The following NAA11 variants were observed in gnomAD, a reference collection of about 807,000 sequenced individuals.
NAA11 encodes the protein N-alpha-acetyltransferase 11.
In NAA11, 15 loss-of-function variants were observed where a neutral mutation model predicts 16.1. The ratio of observed to expected loss-of-function variants is 0.93; its 90% CI spans 0.62 to 1.44. The LOEUF (loss-of-function observed/expected upper bound fraction) is 1.44, where lower values mean the gene tolerates loss of function less well. Ranked by LOEUF, NAA11 falls within the 40% of genes most tolerant of loss-of-function variation. The pLI is 0.00. For missense variants in NAA11, 298 were observed against 291.3 expected (o/e 1.02, Z -0.17); for synonymous variants, 122 against 112.4 (o/e 1.09, Z -0.54).
chr4:79,168,787 A>C, the NAA11 span, among the ~76,000 whole-genome samples: 2 of 152,150 alleles, frequency 1.3e-5, no homozygotes. Flanking sequence ...TGTCAGATGA[A>C]TAGATTGCAA....
intron 2 of NAA11, among the ~76,000 whole-genome samples, chr4:79,273,635 G>A (rs1018606566): frequency 6.6e-6 from 1 of 151,900 alleles, no homozygotes; most frequent in South Asian, 2.1e-4. Context: ...AAAGTTTATT[G>A]AACTGTGAAC....
the NAA11 span, among the ~76,000 whole-genome samples, chr4:79,170,176 A>G: frequency 6.6e-6 from 1 of 152,172 alleles, no homozygotes; most frequent in Non-Finnish European, 1.5e-5. Flanking sequence ...GATTTGTGCA[A>G]TCACACAGGG....
the NAA11 span, among the ~76,000 whole-genome samples, chr4:79,184,846 A>G: frequency 6.6e-6 from 1 of 152,320 alleles, no homozygotes; most frequent in East Asian, 1.9e-4. Context: ...ACTGAGATTT[A>G]CCTGACACAA....
chr4:79,196,979 A>AAAAAAAG, the NAA11 span, among the ~76,000 whole-genome samples: 7 of 125,550 alleles, frequency 5.6e-5, no homozygotes, highest in Admixed American at 1.7e-4. Flanking sequence ...AAAAAAAAAA[A>AAAAAAAG]AAAGAAAGAA....
intron 2 of NAA11, among the ~76,000 whole-genome samples, chr4:79,277,946 AAAAGAAG>A (rs1325442771): frequency 2.6e-5 from 4 of 151,992 alleles, no homozygotes; most frequent in African/African-American, 7.3e-5. Context: ...AATTAAAAAA[AAAAGAAG>A]AAGAAAATGA....
chr4:79,266,539 A>C (rs1236835119), intron 2 of NAA11, among the ~76,000 whole-genome samples: 2 of 152,204 alleles, frequency 1.3e-5, no homozygotes, highest in Non-Finnish European at 2.9e-5. Context: ...GCTCTCTTAC[A>C]GTTTGGCGTG....
chr4:79,220,437 C>CTGTGTGTGTG, the NAA11 span, among the ~76,000 whole-genome samples: 1 of 142,948 alleles, frequency 7.0e-6, no homozygotes, highest in Admixed American at 7.1e-5. Flanking sequence ...GTGTGTGTGT[C>CTGTGTGTGTG]TGTGTGTGTG....
intron 2 of NAA11, among the ~76,000 whole-genome samples, chr4:79,274,039 T>G (rs891372483): frequency 7.2e-5 from 11 of 152,194 alleles, no homozygotes; most frequent in African/African-American, 2.6e-4. Context: ...AAGGGAATTC[T>G]GGCAGCCTCT....
chr4:79,233,928 G>T (rs1721517434), intron 2 of NAA11, among the ~76,000 whole-genome samples: 1 of 152,012 alleles, frequency 6.6e-6, no homozygotes, highest in Non-Finnish European at 1.5e-5. Flanking sequence ...GGGATGTCTG[G>T]TGGTCATCTT....
At chr4:79,257,128 T>C (rs1246289213) in intron 2 of NAA11, among the ~76,000 whole-genome samples, 2 of 152,250 alleles carry the variant, frequency 1.3e-5, no homozygotes, top group Admixed American at 1.3e-4. Flanking sequence ...GTTGTGTTCT[T>C]TTGCATATGC....
At chr4:79,293,819 C>T (rs1215139699) in intron 2 of NAA11, among the ~76,000 whole-genome samples, 1 of 152,136 alleles carries the variant, frequency 6.6e-6, no homozygotes, top group Non-Finnish European at 1.5e-5. Flanking sequence ...GTGTTGAAAA[C>T]TAAATTCCCA....
At chr4:79,219,138 A>G in the NAA11 span, among the ~76,000 whole-genome samples, 1 of 152,180 alleles carries the variant, frequency 6.6e-6, no homozygotes, top group Admixed American at 6.5e-5. Context: ...AAATTGAAAC[A>G]AGATTTTAAA....
At chr4:79,232,668 C>G (rs187261906) in intron 2 of NAA11, among the ~76,000 whole-genome samples, 18 of 152,036 alleles carry the variant, frequency 1.2e-4, no homozygotes, top group African/African-American at 3.6e-4. Flanking sequence ...CCTGGCATAT[C>G]ATATGAAATG....
chr4:79,269,220 A>C (rs1310499813), intron 2 of NAA11, among the ~76,000 whole-genome samples: 1 of 149,330 alleles, frequency 6.7e-6, no homozygotes, highest in Non-Finnish European at 1.5e-5. Context: ...TATACCCAGT[A>C]ATGGGATGGC....
the NAA11 span, among the ~76,000 whole-genome samples, chr4:79,155,508 A>G: frequency 2.0e-5 from 3 of 152,168 alleles, no homozygotes. Context: ...TTGATTATCC[A>G]TGGTCATGGT....
chr4:79,211,871 G>A, the NAA11 span: 2 of 152,150 alleles, frequency 1.3e-5, no homozygotes, highest in East Asian at 1.9e-4. Context: ...TCACCATTTG[G>A]TAAACTTCCC....
At chr4:79,297,441 C>A (rs1040872496) in intron 1 of NAA11, among the ~76,000 whole-genome samples, 5 of 152,170 alleles carry the variant, frequency 3.3e-5, no homozygotes, top group Non-Finnish European at 7.4e-5. Flanking sequence ...GCTCCGCCCT[C>A]CCAAACGTAG....
the NAA11 span, among the ~76,000 whole-genome samples, chr4:79,215,279 T>C: frequency 6.6e-6 from 1 of 152,200 alleles, no homozygotes. Flanking sequence ...GTGACTTGTT[T>C]ATGTTTGCAG....
chr4:79,203,072 T>TCCG, the NAA11 span, among the ~76,000 whole-genome samples: 1 of 151,618 alleles, frequency 6.6e-6, no homozygotes, highest in African/African-American at 2.4e-5. Flanking sequence ...CCGGAGTTTT[T>TCCG]AAGTATTTAT....
Sources: allele counts gnomAD v4.1 joint callset (sites outside exome capture counted in the v4.1 genomes callset), GRCh38; gene constraint gnomAD v4.1.1; transcripts MANE v1.5; gene names NCBI Gene and HGNC (gene_info 2026-07-23, HGNC 2026-07-21).